EGFLAM: variants seen among roughly 807,000 people sequenced by gnomAD.
The protein encoded by EGFLAM is EGF like, fibronectin type III and laminin G domains, also known as pikachurin.
In EGFLAM, 79 loss-of-function variants were observed where a neutral mutation model predicts 113.1. The ratio of observed to expected loss-of-function variants is 0.70; its 90% confidence interval spans 0.58 to 0.84. The LOEUF (loss-of-function observed/expected upper bound fraction) is 0.84, where lower values mean the gene tolerates loss of function less well. EGFLAM is among the 40% of genes least tolerant of loss of function. The probability of loss-of-function intolerance (pLI) is 0.00; values close to 1 mark genes in which losing one functional copy is unlikely to be tolerated. For missense variants in EGFLAM, 1,265 were observed against 1,291.6 expected (o/e 0.98, Z 0.32); for synonymous variants, 504 against 487.6 (o/e 1.03, Z -0.44).
At chr5:38,365,098 A>C (rs983355853) in intron 5 of EGFLAM, among the ~76,000 whole-genome samples, 1 of 152,194 alleles carries the variant, frequency 6.6e-6, no homozygotes, top group Non-Finnish European at 1.5e-5. Context: ...TTCCACTCTC[A>C]AAAGTATTTT....
intron 20 of EGFLAM, among the ~76,000 whole-genome samples, chr5:38,461,813 A>G (rs1426275693): frequency 6.6e-6 from 1 of 152,132 alleles, no homozygotes; most frequent in Non-Finnish European, 1.5e-5. Flanking sequence ...GCCACCAATG[A>G]ACACCTCCCT....
intron 6 of EGFLAM, among the ~76,000 whole-genome samples, chr5:38,383,439 C>T (rs969892833): frequency 1.3e-5 from 2 of 150,606 alleles, no homozygotes; most frequent in African/African-American, 4.9e-5. Context: ...TAACATTACC[C>T]CTGAAAACTG....
intron 12 of EGFLAM, among the ~76,000 whole-genome samples, chr5:38,422,889 G>A (rs3935014): frequency 0.22 from 33,673 of 152,064 alleles, 5,135 homozygotes; most frequent in African/African-American, 0.43. Context: ...TTCCTTCTCG[G>A]TTCACAGAGC....
At chr5:38,322,602 T>C (rs140853929) in intron 1 of EGFLAM, among the ~76,000 whole-genome samples, 182 of 152,230 alleles carry the variant, frequency 1.2e-3, no homozygotes, top group Admixed American at 2.7e-3. Context: ...TCTAATCCAG[T>C]GCATTGACTA....
rs1757423692 is a variant in EGFLAM, at chr5:38,258,851, G to C, written c.97G>C (p.Gly33Arg). 4.3e-6 allele frequency: 7 copies of C among 1,611,244 alleles called. No individual in the cohort carries two copies. The highest frequency in any genetic ancestry group is 5.9e-6 in the Non-Finnish European group (7 of 1,179,038). The change falls in exon 1 of 22, where the codon GGC (glycine) becomes CGC (arginine). Residue 33 changes from glycine (G) to arginine (R), a missense_variant and splice_region_variant. Physicochemically the swap from Gly to Arg is moderately radical, Grantham distance 125. Coordinates refer to ENST00000322350, the MANE Select transcript of EGFLAM (RefSeq NM_152403.4). ...GCTCCGAGCGGCCATCCGAAAACCA[G>C]GTAATGCGCTCCTCCGCCCAGAGCC... ...VSLRAAIRKP[G>R]KVGPPLDIKL...
At chr5:38,463,792 G>A (rs771535967) in intron 21 of EGFLAM, 40 bp from the exon 22 acceptor site, 10 of 1,606,404 alleles carry the variant, frequency 6.2e-6, no homozygotes, top group Non-Finnish European at 8.5e-6. Context: ...GCGGACACCT[G>A]TCCTTTGGCT....
intron 1 of EGFLAM, among the ~76,000 whole-genome samples, chr5:38,262,310 G>A (rs528563091): frequency 1.1e-4 from 16 of 152,290 alleles, no homozygotes; most frequent in East Asian, 3.9e-4. Flanking sequence ...CTTAATTCCC[G>A]CAGGCATATT....
chr5:38,326,123 T>C (rs1738873963), intron 1 of EGFLAM, among the ~76,000 whole-genome samples: 1 of 152,148 alleles, frequency 6.6e-6, no homozygotes, highest in African/African-American at 2.4e-5. Flanking sequence ...GCTAGAGCCC[T>C]GGTCTTGGGC....
chr5:38,321,538 C>T (rs772782145), intron 1 of EGFLAM, among the ~76,000 whole-genome samples: 6 of 152,152 alleles, frequency 3.9e-5, no homozygotes, highest in Non-Finnish European at 8.8e-5. Context: ...AGTGGTTTTG[C>T]GCCTTTACCT....
intron 15 of EGFLAM, among the ~76,000 whole-genome samples, chr5:38,431,948 A>G (rs942819584): frequency 6.6e-6 from 1 of 152,174 alleles, no homozygotes; most frequent in African/African-American, 2.4e-5. Context: ...TGAATAGTGT[A>G]TGGTTATGGA....
intron 2 of EGFLAM, 120 bp from the exon 3 acceptor site, chr5:38,338,578 A>T: frequency 1.2e-6 from 1 of 854,956 alleles, no homozygotes; most frequent in Non-Finnish European, 1.9e-6. Flanking sequence ...CCGCAGAACT[A>T]GTGCACGTGA....
rs368203824 is a variant in EGFLAM, at chr5:38,258,871, A to G, written c.97+20A>G. On this transcript the variant is annotated intron_variant, in intron 1 of 21. Transcript: ENST00000322350. ...AACCAGGTAATGCGCTCCTCCGCCC[A>G]GAGCCACCACGCCCCGAGCGCCCCT... 2.0e-3 allele frequency: 3,176 copies of G among 1,603,080 alleles called. 6 individuals carry two copies. Among genetic ancestry groups the G allele is most frequent in the Admixed American group, 2.3e-3 (137 of 59,350 alleles).
intron 5 of EGFLAM, among the ~76,000 whole-genome samples, chr5:38,364,544 A>C (rs1427723855): frequency 6.6e-6 from 1 of 152,144 alleles, no homozygotes; most frequent in Non-Finnish European, 1.5e-5. Context: ...TCACACCAAA[A>C]AAAGGCCTTA....
At chr5:38,377,475 A>G (rs1740396727) in intron 6 of EGFLAM, among the ~76,000 whole-genome samples, 1 of 152,128 alleles carries the variant, frequency 6.6e-6, no homozygotes, top group Non-Finnish European at 1.5e-5. Context: ...ACCCTATGCA[A>G]GGTCTGCGCT....
intron 6 of EGFLAM, among the ~76,000 whole-genome samples, chr5:38,377,675 G>A (rs1231293232): frequency 6.6e-6 from 1 of 152,174 alleles, no homozygotes; most frequent in African/African-American, 2.4e-5. Context: ...AGGTTCGCAG[G>A]CAAAAGTGAA....
chr5:38,278,315 G>T (rs1455654896), intron 1 of EGFLAM, among the ~76,000 whole-genome samples: 1 of 151,884 alleles, frequency 6.6e-6, no homozygotes, highest in African/African-American at 2.4e-5. Context: ...CAGTAAATAT[G>T]CCAGGAAAAA....
intron 6 of EGFLAM, among the ~76,000 whole-genome samples, chr5:38,401,442 C>A (rs1005447305): frequency 2.0e-5 from 3 of 152,208 alleles, no homozygotes; most frequent in Admixed American, 2.0e-4. Flanking sequence ...TAAGTCAATT[C>A]TTTTCTGTGG....
intron 1 of EGFLAM, chr5:38,291,090 A>C (rs1758317943): frequency 6.6e-6 from 1 of 151,578 alleles, no homozygotes; most frequent in African/African-American, 2.4e-5. Context: ...TCCAAAAAAA[A>C]CAAAACAAAA....
intron 5 of EGFLAM, among the ~76,000 whole-genome samples, chr5:38,369,117 C>T (rs1221939337): frequency 1.3e-5 from 2 of 152,164 alleles, no homozygotes; most frequent in African/African-American, 4.8e-5. Flanking sequence ...AGGATGTCCA[C>T]ATAGAGCAGT....
Sources: allele counts gnomAD v4.1 joint callset (sites outside exome capture counted in the v4.1 genomes callset), GRCh38; gene constraint gnomAD v4.1.1; transcripts MANE v1.5; gene names NCBI Gene and HGNC (gene_info 2026-07-23, HGNC 2026-07-21).